The following SCN11A variants were observed in gnomAD, a reference collection of about 807,000 sequenced individuals.
The protein encoded by SCN11A is sodium voltage-gated channel alpha subunit 11.
In SCN11A, 122 loss-of-function variants were observed where a neutral mutation model predicts 162.2. The observed-to-expected ratio is 0.75, with a 90% CI of 0.65 to 0.87. The LOEUF (loss-of-function observed/expected upper bound fraction) is 0.87, where lower values mean the gene tolerates loss of function less well. SCN11A is among the 40% of genes least tolerant of loss of function. The probability of loss-of-function intolerance (pLI) is 0.00; values close to 1 mark genes in which losing one functional copy is unlikely to be tolerated. For synonymous variants in SCN11A, 758 were observed against 751.5 expected (o/e 1.01, Z -0.14); for missense variants, 2,015 against 2,181.6 (o/e 0.92, Z 1.52).
At chr3:39,035,846 A>T (rs2031891875) in intron 1 of SCN11A, among the ~76,000 whole-genome samples, 1 of 152,112 alleles carries the variant, frequency 6.6e-6, no homozygotes, top group African/African-American at 2.4e-5. Flanking sequence ...TCACCATGTT[A>T]GCCAGGATGG....
chr3:38,870,671 A>C lies in SCN11A; in HGVS notation c.3813+20T>G. The C allele has an allele frequency of 2.5e-6, 4 of 1,608,150 alleles. No individual in the cohort carries two copies. The highest frequency in any genetic ancestry group is 3.4e-6 in the Non-Finnish European group (4 of 1,174,700). On this transcript the variant is annotated intron_variant, in intron 26 of 29. Coordinates refer to ENST00000302328, the MANE Select transcript of SCN11A (RefSeq NM_001349253.2). Reference sequence around the variant, plus strand: ...TGACTTGACCATAACACTCCAGAACATGGTAGAACACTGACTCACCTCTGT... The same window carrying C: ...TGACTTGACCATAACACTCCAGAACCTGGTAGAACACTGACTCACCTCTGT...
intron 7 of SCN11A, among the ~76,000 whole-genome samples, chr3:38,927,734 C>T (rs562452748): frequency 2.6e-5 from 4 of 152,176 alleles, no homozygotes; most frequent in African/African-American, 4.8e-5. Context: ...GAGAGTGAAG[C>T]GAAGGGGAAA....
intron 2 of SCN11A, among the ~76,000 whole-genome samples, chr3:39,016,900 G>A (rs2031304157): frequency 6.6e-6 from 1 of 152,194 alleles, no homozygotes; most frequent in Non-Finnish European, 1.5e-5. Flanking sequence ...ACTGTGCCCA[G>A]CCAGCCTTCA....
intron 7 of SCN11A, among the ~76,000 whole-genome samples, chr3:38,927,646 G>C (rs1182551487): frequency 2.6e-5 from 4 of 152,156 alleles, no homozygotes; most frequent in Non-Finnish European, 5.9e-5. Context: ...GGCTGGGGAG[G>C]CCTCAGAAAA....
chr3:38,946,304 C>T (rs868402112), intron 6 of SCN11A, among the ~76,000 whole-genome samples: 19 of 152,160 alleles, frequency 1.2e-4, no homozygotes, highest in Admixed American at 1.0e-3. Flanking sequence ...GAAATGGGAA[C>T]CTACCCTTGC....
At chr3:38,876,832 C>A (rs1228448526) in intron 23 of SCN11A, among the ~76,000 whole-genome samples, 2 of 151,828 alleles carry the variant, frequency 1.3e-5, no homozygotes, top group African/African-American at 4.8e-5. Context: ...GTCATTTGAT[C>A]CAGCAATCCC....
chr3:39,009,658 T>C lies in SCN11A; in HGVS notation c.-280+22722A>G, dbSNP rs374250080. On this transcript the variant is annotated intron_variant, in intron 2 of 29. Coordinates refer to ENST00000302328, the MANE Select transcript of SCN11A (RefSeq NM_001349253.2). The stretch of plus-strand genomic sequence containing the variant: ...AGATGGCTCAGCTGAAAAGAGTGTG[T>C]ACAGTCTTTTAAAAATATTTTTTAT... 9.3e-4 allele frequency among the ~76,000 whole-genome samples: 136 copies of C among 146,164 alleles called. 6 individuals are homozygous for C. In the South Asian group the frequency reaches 0.031, roughly 33 times the overall value.
At chr3:38,973,352 CTCT>C (rs773522782) in intron 2 of SCN11A, among the ~76,000 whole-genome samples, 14 of 152,072 alleles carry the variant, frequency 9.2e-5, no homozygotes, top group Middle Eastern at 3.2e-3. Flanking sequence ...GGCTCACTGT[CTCT>C]TCTTGCAGTC....
chr3:38,963,027 A>T (rs991208827), intron 2 of SCN11A, among the ~76,000 whole-genome samples: 1 of 151,804 alleles, frequency 6.6e-6, no homozygotes, highest in Non-Finnish European at 1.5e-5. Context: ...AAGAATGGCC[A>T]TAATTAAAAA....
intron 1 of SCN11A, among the ~76,000 whole-genome samples, chr3:39,046,653 C>T (rs2032187310): frequency 1.3e-5 from 2 of 152,106 alleles, no homozygotes; most frequent in East Asian, 3.9e-4. Flanking sequence ...ATAGTACTGG[C>T]ATTAAAAAAG....
At chr3:39,000,371 T>C (rs2030773218) in intron 2 of SCN11A, among the ~76,000 whole-genome samples, 2 of 152,352 alleles carry the variant, frequency 1.3e-5, no homozygotes, top group South Asian at 2.1e-4. Context: ...GATTCACTCT[T>C]GGAATAAGGC....
intron 2 of SCN11A, among the ~76,000 whole-genome samples, chr3:39,007,305 T>C (rs2031005740): frequency 6.6e-6 from 1 of 152,254 alleles, no homozygotes; most frequent in Admixed American, 6.5e-5. Context: ...ACAAAGCTCC[T>C]AAAACCCTTG....
intron 3 of SCN11A, among the ~76,000 whole-genome samples, chr3:38,957,986 A>G (rs2066702235): frequency 6.6e-6 from 1 of 152,204 alleles, no homozygotes; most frequent in Admixed American, 6.5e-5. Context: ...GAAGTCATTT[A>G]GCTGGGAGGA....
At position 38,926,813 on chromosome 3, in the gene SCN11A, T is replaced by C. The variant is rs752554589; in HGVS notation, c.607A>G (p.Ile203Val). 1 of 1,613,730 alleles carries C rather than the reference T, an allele frequency of 6.2e-7. No homozygotes were observed. The highest frequency in any genetic ancestry group is 1.1e-5 in the South Asian group (1 of 90,988). Residue 203 changes from isoleucine to valine, a missense_variant, in exon 8 of 30, where the codon ATT (isoleucine) becomes GTT (valine). Physicochemically the swap from Ile to Val is conservative, Grantham distance 29. Coordinates refer to ENST00000302328, the MANE Select transcript of SCN11A (RefSeq NM_001349253.2). Reference sequence around the variant, plus strand: ...CTTTAATATTCTTACGCTATTCCAATGACAATGGAGTCCAGCCAGTTCCAT... The same window carrying C: ...CTTTAATATTCTTACGCTATTCCAACGACAATGGAGTCCAGCCAGTTCCAT... The part of the protein sequence containing the change: ...DPWNWLDSIV[I>V]GIAIVSYIPG...
At chr3:39,043,615 A>G (rs1257056460) in intron 1 of SCN11A, among the ~76,000 whole-genome samples, 1 of 152,140 alleles carries the variant, frequency 6.6e-6, no homozygotes, top group Non-Finnish European at 1.5e-5. Flanking sequence ...TGTGGGATCT[A>G]AAAATCAAAG....
At chr3:39,014,828 G>T (rs760913558) in intron 2 of SCN11A, among the ~76,000 whole-genome samples, 6 of 152,200 alleles carry the variant, frequency 3.9e-5, no homozygotes, top group Non-Finnish European at 7.3e-5. Flanking sequence ...ACTTAATGAT[G>T]GAAGGGCTTC....
chr3:38,912,142 G>A (rs956208628), intron 11 of SCN11A, among the ~76,000 whole-genome samples: 1 of 152,154 alleles, frequency 6.6e-6, no homozygotes, highest in South Asian at 2.1e-4. Flanking sequence ...TGAAGTCCCA[G>A]TGCCCTCTAA....
chr3:38,896,821 T>TC (rs1553637349), intron 18 of SCN11A, 24 bp downstream of exon 18: 1 of 1,441,082 alleles, frequency 6.9e-7, no homozygotes, highest in Non-Finnish European at 9.1e-7. Context: ...TTTTTTTTTT[T>TC]TGAAAAAAAT....
At chr3:38,899,862 C>G (rs775496066) in intron 17 of SCN11A, 32 bp downstream of exon 17, 2 of 1,589,416 alleles carry the variant, frequency 1.3e-6, no homozygotes, top group Non-Finnish European at 1.7e-6. Context: ...TAGGCAGCTA[C>G]GTTTATGCAG....
Sources: gnomAD v4.1 joint callset for allele counts (sites outside exome capture counted in the v4.1 genomes callset) on GRCh38, gnomAD v4.1.1 for gene constraint, MANE v1.5 for transcripts, NCBI Gene and HGNC (gene_info 2026-07-23, HGNC 2026-07-21) for gene names.